Variants in LIG3 observed in about 807,000 individuals in gnomAD.
LIG3 encodes the protein DNA ligase 3.
A neutral mutation model predicts 110.9 loss-of-function variants in LIG3; 58 were observed. The observed-to-expected ratio is 0.52, with a 90% CI of 0.42 to 0.65. The LOEUF is 0.65. LIG3 is among the 30% of genes least tolerant of loss of function. The pLI is 0.00. For missense variants in LIG3, 1,094 were observed against 1,273.8 expected, an observed-to-expected ratio of 0.86 and a Z score of 2.15; for synonymous variants, 422 against 472.8, an observed-to-expected ratio of 0.89 and a Z score of 1.39.
At chr17:35,000,504 C>G (rs941128840) in intron 16 of LIG3, among the ~76,000 whole-genome samples, 1 of 151,450 alleles carries the variant, frequency 6.6e-6, no homozygotes, top group South Asian at 2.1e-4. Context: ...GTGACCTGCC[C>G]GCCTCAGTCT....
intron 19 of LIG3, 185 bp from the exon 20 acceptor site, chr17:35,004,088 C>T (rs1231706065): frequency 1.5e-5 from 9 of 586,536 alleles, no homozygotes; most frequent in South Asian, 4.1e-5. Context: ...GATGGAGGGG[C>T]GTGTCAGTCC....
chr17:35,002,647 A>G (rs755719960), intron 18 of LIG3, 21 bp from the exon 19 acceptor site: 5 of 1,608,840 alleles, frequency 3.1e-6, no homozygotes, highest in Non-Finnish European at 4.2e-6. Context: ...CACCACACCC[A>G]GCTTCCTCTC....
Position 35,009,216 on chromosome 17 carries a change from T to TTAA in LIG3, c.*4714_*4716dup. On this transcript the variant is annotated 3_prime_UTR_variant, in exon 20 of 20. Coordinates refer to ENST00000378526, the MANE Select transcript of LIG3 (RefSeq NM_013975.4). ...ACCTCCAAGTAAGTCTGAGAAAATC[T>TTAA]TAATAAAAGCCACTTGAAGTAACAA... is the stretch of plus-strand genomic sequence containing the variant. 6.5e-6 allele frequency: 1 copy of TTAA among 152,786 alleles called. No individual in the cohort carries two copies. Among genetic ancestry groups the TTAA allele is most frequent in the East Asian group, 1.9e-4 (1 of 5,194 alleles). 9.5% of individuals were successfully genotyped at this position (152,786 alleles called of 1,614,324 possible).
Position 34,989,607 on chromosome 17 carries a change from G to A in LIG3, c.833G>A (p.Ser278Asn). 6.2e-7 allele frequency: 1 copy of A among 1,614,144 alleles called. No individual in the cohort carries two copies. The highest frequency in any genetic ancestry group is 8.5e-7 in the Non-Finnish European group (1 of 1,180,044). The change falls in exon 4 of 20, where the codon AGC (serine) becomes AAC (asparagine). Residue 278 changes from serine to asparagine, a missense_variant. By Grantham distance (46) the Ser-to-Asn change is conservative. Transcript: ENST00000378526. ...TGCGCCATGGTGGCCGATAATCCTA[G>A]CTACAACACGAAGACCCAGATCATC... is the stretch of plus-strand genomic sequence containing the variant. ...KLCAMVADNP[S>N]YNTKTQIIQD...
At chr17:34,985,494 G>C (rs1195569483) in intron 2 of LIG3, among the ~76,000 whole-genome samples, 7 of 152,176 alleles carry the variant, frequency 4.6e-5, no homozygotes. Flanking sequence ...CTCATTTGGA[G>C]GAAGAGAAAT....
At position 34,983,086 on chromosome 17, in the gene LIG3, T is replaced by C. The variant is rs780627350; in HGVS notation, c.81T>C (p.His27=). The C allele has an allele frequency of 3.1e-6, 5 of 1,613,610 alleles. No homozygotes were observed. Among genetic ancestry groups the C allele is most frequent in the Non-Finnish European group, 4.2e-6 (5 of 1,179,948 alleles). ...AAGAACTGTGCCTATTCCGAAAACA[T>C]CACTGGCGTGATGTAAGACAATTCA... ...SRKELCLFRK[H]HWRDVRQFSQ... is the part of the protein sequence containing the mutation. Residue 27 remains histidine (H), a synonymous_variant, in exon 2 of 20, where the codon CAT becomes CAC. Transcript: ENST00000378526.
At chr17:34,996,268 G>T (rs2142268366) in intron 10 of LIG3, 73 bp downstream of exon 10, 1 of 1,514,152 alleles carries the variant, frequency 6.6e-7, no homozygotes, top group Non-Finnish European at 9.0e-7. Context: ...GCACGCTGCG[G>T]TCTGAAAAGG....
At chr17:34,999,120 C>T (rs2090812570) in intron 14 of LIG3, 187 bp from the exon 15 acceptor site, 2 of 637,760 alleles carry the variant, frequency 3.1e-6, no homozygotes, top group African/African-American at 1.8e-5. Context: ...GTGATTATCC[C>T]TCATTTACAG....
rs960663878 is a variant in LIG3, at chr17:34,996,374, T to C, written c.1743+179T>C. ...TGTTTTTCTCCTAAAAAGGGGCTGG[T>C]ATTGGGAACCAGTTTATAACTGGGT... On this transcript the variant is annotated intron_variant, in intron 10 of 19. Transcript: ENST00000378526. The C allele has an allele frequency of 1.3e-5, 11 of 844,002 alleles. No individual in the cohort carries two copies. In the Admixed American group the frequency reaches 3.2e-4, roughly 24 times the overall value. 52.3% of individuals were successfully genotyped at this position (844,002 alleles called of 1,614,324 possible). A position where few individuals can be genotyped will look rare whatever the true frequency, so the allele number is the denominator to read the frequency against.
Position 34,991,367 on chromosome 17 carries a change from C to A in LIG3, c.1041+253C>A, listed in dbSNP as rs186557819. 9.4e-5 allele frequency: 53 copies of A among 566,424 alleles called. No homozygotes were observed. In the East Asian group the frequency reaches 1.4e-3, roughly 15 times the overall value. 35.1% of individuals were successfully genotyped at this position (566,424 alleles called of 1,614,324 possible). On this transcript the variant is annotated intron_variant, in intron 5 of 19. Transcript: ENST00000378526. ...GGTTCTCAAAAGGCAGAATTTGAGA[C>A]TTGCCCCCTCTGTCTCTCCTGGGGC...
chr17:35,004,316 C>T lies in LIG3; in HGVS notation c.2840C>T (p.Pro947Leu), dbSNP rs745372496. Residue 947 changes from proline to leucine, a missense_variant, in exon 20 of 20, where the codon CCC becomes CTC. Coordinates refer to ENST00000378526, the MANE Select transcript of LIG3 (RefSeq NM_013975.4). ...ACTGGGGTGCGGCTTTACTTGCCACCCTCCACACCAGACTTCAGCCGTCTC... is the reference window on the plus strand; with the variant it reads ...ACTGGGGTGCGGCTTTACTTGCCACTCTCCACACCAGACTTCAGCCGTCTC... ...IFTGVRLYLP[P>L]STPDFSRLRR... is the part of the protein sequence containing the mutation. The T allele has an allele frequency of 1.2e-6, 2 of 1,614,146 alleles. No individual in the cohort carries two copies. The highest frequency in any genetic ancestry group is 3.3e-5 in the Admixed American group (2 of 60,020).
At chr17:34,984,251 G>T (rs1285714212) in intron 2 of LIG3, among the ~76,000 whole-genome samples, 1 of 152,046 alleles carries the variant, frequency 6.6e-6, no homozygotes, top group Non-Finnish European at 1.5e-5. Context: ...TGTTTCTTTG[G>T]CCTCCTTTAA....
At position 34,998,522 on chromosome 17, in the gene LIG3, C is replaced by T; in HGVS notation, c.1990-82C>T. ...CTGAGGGAGGGGCACTGGGCTAGAT[C>T]TGGTGTGTAGCAGTGAAGGGGTGAA... is the stretch of plus-strand genomic sequence containing the variant. On this transcript the variant is annotated intron_variant, in intron 13 of 19. Coordinates refer to ENST00000378526, the MANE Select transcript of LIG3 (RefSeq NM_013975.4). 4 of 1,539,594 alleles carry T rather than the reference C, an allele frequency of 2.6e-6. No individual in the cohort carries two copies. In the African/African-American group the frequency reaches 5.5e-5, roughly 21 times the overall value.
At chr17:34,994,548 T>C (rs2090759100) in intron 9 of LIG3, 117 bp downstream of exon 9, 18 of 1,033,904 alleles carry the variant, frequency 1.7e-5, no homozygotes, top group Non-Finnish European at 2.2e-5. Context: ...TTGTTTTTTA[T>C]TTGTTGAATG....
Position 34,986,103 on chromosome 17 carries a change from C to T in LIG3, c.663C>T (p.Thr221=), listed in dbSNP as rs998038468. The T allele has an allele frequency of 1.2e-6, 2 of 1,614,146 alleles. No individual in the cohort carries two copies. Among genetic ancestry groups the T allele is most frequent in the East Asian group, 4.5e-5 (2 of 44,890 alleles). The change falls in exon 3 of 20, where the codon ACC becomes ACT. Residue 221 remains threonine, a synonymous_variant. Transcript: ENST00000378526. ...AAGGCGCCTCATTTGTCACCAGTAC[C>T]AATCCCCGGAAATTTTCTGGCTTTT... ...PVKGASFVTS[T]NPRKFSGFSA...
rs2090694537 is a variant in LIG3 at position 34,989,508 on chromosome 17, C to T, written c.734C>T (p.Pro245Leu). 6.2e-7 allele frequency: 1 copy of T among 1,613,998 alleles called. No homozygotes were observed. Residue 245 changes from proline to leucine, a missense_variant, in exon 4 of 20, where the codon CCT becomes CTT. By Grantham distance (98) the Pro-to-Leu change is moderately conservative (BLOSUM62 -3). Coordinates refer to ENST00000378526, the MANE Select transcript of LIG3 (RefSeq NM_013975.4). ...GGGGAAGCCCCCTCGAGCCCCACCC[C>T]TAAGAGAAGTCTGTCTTCAAGCAAA... ...NSGEAPSSPTPKRSLSSSKCD... is the reference protein window; with the variant it reads ...NSGEAPSSPTLKRSLSSSKCD...
intron 3 of LIG3, among the ~76,000 whole-genome samples, chr17:34,988,122 G>A (rs1290989841): frequency 6.6e-6 from 1 of 150,628 alleles, no homozygotes; most frequent in Non-Finnish European, 1.5e-5. Flanking sequence ...GAACCCTGGG[G>A]GCAGAGCCTG....
Position 35,005,812 on chromosome 17 carries a change from T to C in LIG3, c.*1306T>C, listed in dbSNP as rs2090891744. 2.2e-6 allele frequency: 1 copy of C among 464,944 alleles called. No homozygotes were observed. 28.8% of individuals were successfully genotyped at this position (464,944 alleles called of 1,614,324 possible). On this transcript the variant is annotated 3_prime_UTR_variant, in exon 20 of 20. Transcript: ENST00000378526. ...AATGAAGTTCTAAAGGCTGTACCAA[T>C]CCTCCAATATGAAATGTGGGAAAGA... is the stretch of plus-strand genomic sequence containing the variant.
At chr17:34,994,497 A>G in intron 9 of LIG3, 66 bp downstream of exon 9, 1 of 1,494,760 alleles carries the variant, frequency 6.7e-7, no homozygotes, top group Non-Finnish European at 9.2e-7. Flanking sequence ...CCTCAGGGCC[A>G]GAGTCCCATA....
Sources: allele counts gnomAD v4.1 joint callset (sites outside exome capture counted in the v4.1 genomes callset), GRCh38; gene constraint gnomAD v4.1.1; transcripts MANE v1.5; gene names NCBI Gene and HGNC (gene_info 2026-07-23, HGNC 2026-07-21).